Variants in DNM1L observed in about 807,000 individuals in gnomAD.
DNM1L encodes dynamin 1L.
In DNM1L, 33 loss-of-function variants were observed where a neutral mutation model predicts 92.8. The ratio of observed to expected loss-of-function variants is 0.36; its 90% CI spans 0.27 to 0.48. The LOEUF is 0.48. Ranked by LOEUF, DNM1L falls within the 20% of genes least tolerant of loss-of-function variation. The pLI is 0.99. For synonymous variants in DNM1L, 284 were observed against 305.0 expected (o/e 0.93, Z 0.72); for missense variants, 485 against 888.8 (o/e 0.55, Z 5.78).
At position 32,729,229 on chromosome 12, in the gene DNM1L, G is replaced by A. The variant is rs139133824; in HGVS notation, c.1080-1785G>A. Among the ~76,000 whole-genome samples the A allele has an allele frequency of 3.3e-3, 501 of 151,970 alleles. 4 individuals carry two copies. The highest frequency in any genetic ancestry group is 0.011 in the African/African-American group (461 of 41,452). ...CCCGAGTAGCTGGGATTACAGGCGC[G>A]CACTACTATGCCCGGCTAATTTTTT... On this transcript the variant is annotated intron_variant, in intron 9 of 19. Transcript: ENST00000549701.
intron 18 of DNM1L, among the ~76,000 whole-genome samples, chr12:32,741,967 T>C (rs1290573767): frequency 6.6e-6 from 1 of 152,216 alleles, no homozygotes; most frequent in African/African-American, 2.4e-5. Flanking sequence ...TAATACTAGA[T>C]TATGTAGATA....
chr12:32,706,934 C>T, intron 2 of DNM1L: 1 of 221,838 alleles, frequency 4.5e-6, no homozygotes, highest in South Asian at 6.2e-5. Flanking sequence ...TTTTGCACTA[C>T]TCAGTGGGAT....
At chr12:32,736,089 T>A (rs1217577632) in intron 13 of DNM1L, among the ~76,000 whole-genome samples, 38 of 138,342 alleles carry the variant, frequency 2.7e-4, no homozygotes, top group Non-Finnish European at 4.6e-4. Flanking sequence ...TTTTTTTTTT[T>A]AAGACAGAGT....
Position 32,727,340 on chromosome 12 carries a change from T to A in DNM1L, c.1080-3674T>A, listed in dbSNP as rs375466554. On this transcript the variant is annotated intron_variant, in intron 9 of 19. Transcript: ENST00000549701. ...TGAGAGCATTCACTCCTCTTTTAAC[T>A]ACCCTAGCTAGGCAGGTTGTCAATG... 152 of 798,758 alleles carry A rather than the reference T, an allele frequency of 1.9e-4. 1 individual carries two copies. The highest frequency in any genetic ancestry group is 1.7e-3 in the East Asian group (71 of 41,292). The allele number at this position is 798,758 out of a possible 1,614,324, so 49.5% of individuals were successfully genotyped here.
chr12:32,708,176 T>G lies in DNM1L; in HGVS notation c.321T>G (p.Ile107Met). The change falls in exon 4 of 20, where the codon ATT becomes ATG. Residue 107 changes from isoleucine (I) to methionine (M), a missense_variant. Around this residue, in one of 11 missense-constraint regions of DNM1L, gnomAD observed 159 missense variants for 275.9 expected, o/e 0.58. Transcript: ENST00000549701. Reference sequence around the variant, plus strand: ...AGCTTTACACGGATTTTGATGAAATTCGACAAGAAATTGAAAATGAAACAG... The same window carrying G: ...AGCTTTACACGGATTTTGATGAAATGCGACAAGAAATTGAAAATGAAACAG... ...KNKLYTDFDEIRQEIENETER... is the reference protein window; with the variant it reads ...KNKLYTDFDEMRQEIENETER... 1 of 1,605,838 alleles carries G rather than the reference T, an allele frequency of 6.2e-7. No homozygotes were observed. The highest frequency in any genetic ancestry group is 8.5e-7 in the Non-Finnish European group (1 of 1,173,286).
chr12:32,731,735 G>A lies in DNM1L; in HGVS notation c.1357-119G>A, dbSNP rs1420271667. ...AAAATGACTGTTAGCCTGGCATGGTGGCTTCTACATGTAGTCTCAGCTACT... is the reference window on the plus strand; with the variant it reads ...AAAATGACTGTTAGCCTGGCATGGTAGCTTCTACATGTAGTCTCAGCTACT... On this transcript the variant is annotated intron_variant, in intron 11 of 19. Coordinates refer to ENST00000549701, the MANE Select transcript of DNM1L (RefSeq NM_012062.5). The surrounding 1 kb of genome is among the most constrained non-coding windows in gnomAD (Gnocchi z 5.1). The A allele has an allele frequency of 2.0e-6, 2 of 989,576 alleles. No homozygotes were observed. The highest frequency in any genetic ancestry group is 1.6e-5 in the African/African-American group (1 of 61,630). 61.3% of individuals were successfully genotyped at this position (989,576 alleles called of 1,614,324 possible).
chr12:32,708,121 A>G (rs771765062), intron 3 of DNM1L, 32 bp from the exon 4 acceptor site: 4 of 1,332,320 alleles, frequency 3.0e-6, no homozygotes, highest in African/African-American at 2.9e-5. Context: ...CTTATTTTGA[A>G]TATTATGCTT....
In DNM1L at chr12:32,737,025, T is replaced by C. The variant is rs1954931705; in HGVS notation, c.1540-80T>C. ...TGTATCTGTAAGTTACTCCACACTTTTCAATTAACATGAACATTTTTTAGT... is the reference window on the plus strand; with the variant it reads ...TGTATCTGTAAGTTACTCCACACTTCTCAATTAACATGAACATTTTTTAGT... On this transcript the variant is annotated intron_variant, in intron 13 of 19. Coordinates refer to ENST00000549701, the MANE Select transcript of DNM1L (RefSeq NM_012062.5). 2.7e-6 allele frequency: 4 copies of C among 1,469,342 alleles called. No homozygotes were observed. The South Asian group carries it at 3.5e-5, about 13-fold the overall frequency. The allele number at this position is 1,469,342 out of a possible 1,614,324, so 91.0% of individuals were successfully genotyped here.
At chr12:32,715,638 A>G (rs1953329261) in intron 6 of DNM1L, among the ~76,000 whole-genome samples, 1 of 152,168 alleles carries the variant, frequency 6.6e-6, no homozygotes, top group African/African-American at 2.4e-5. Context: ...AGGCTGAGAC[A>G]TGAGAATCAC....
rs747625663 is a variant in DNM1L, at chr12:32,731,851, T to C, written c.1357-3T>C. 3 of 1,610,592 alleles carry C rather than the reference T, an allele frequency of 1.9e-6. No individual in the cohort carries two copies. The highest frequency in any genetic ancestry group is 2.2e-5 in the East Asian group (1 of 44,846). The stretch of plus-strand genomic sequence containing the variant: ...ACGTTTTTCTTTCATCTACCATTTG[T>C]AGGAATTGTTACGATTTCCTAAACT... On this transcript the variant is annotated splice_region_variant and splice_polypyrimidine_tract_variant and intron_variant, in intron 11 of 19. Coordinates refer to ENST00000549701, the MANE Select transcript of DNM1L (RefSeq NM_012062.5). The surrounding 1 kb of genome is among the most constrained non-coding windows in gnomAD (Gnocchi z 5.1).
chr12:32,737,479 A>G (rs1954972669), intron 14 of DNM1L: 2 of 388,008 alleles, frequency 5.2e-6, no homozygotes, highest in East Asian at 5.4e-5. Flanking sequence ...AGATTTTATT[A>G]TAATAAGAGG....
chr12:32,697,684 G>A (rs1952523974), intron 1 of DNM1L, among the ~76,000 whole-genome samples: 1 of 152,012 alleles, frequency 6.6e-6, no homozygotes, highest in Non-Finnish European at 1.5e-5. Context: ...AGGGTTGCAA[G>A]TGTTGGTAGC....
At chr12:32,711,385 C>T (rs377378200) in intron 5 of DNM1L, 58 of 217,484 alleles carry the variant, frequency 2.7e-4, no homozygotes, top group African/African-American at 9.0e-4. Context: ...TGTATATTGA[C>T]GGCATTCAAA....
intron 14 of DNM1L, 130 bp downstream of exon 14, chr12:32,737,291 T>C: frequency 1.1e-6 from 1 of 875,152 alleles, no homozygotes; most frequent in Non-Finnish European, 1.8e-6. Flanking sequence ...ACTAACTGAG[T>C]AAAGGCATAC....
chr12:32,712,748 T>C (rs1451829040), intron 5 of DNM1L, among the ~76,000 whole-genome samples: 1 of 148,392 alleles, frequency 6.7e-6, no homozygotes, highest in Non-Finnish European at 1.5e-5. Flanking sequence ...CTTACCACCA[T>C]CTGTATACTA....
rs1049963068 is a variant in DNM1L at position 32,731,606 on chromosome 12, C to T, written c.1356+95C>T. 8.0e-6 allele frequency: 12 copies of T among 1,499,450 alleles called. No individual in the cohort carries two copies. Among genetic ancestry groups the T allele is most frequent in the Non-Finnish European group, 1.1e-5 (12 of 1,093,208 alleles). 92.9% of individuals were successfully genotyped at this position (1,499,450 alleles called of 1,614,324 possible). On this transcript the variant is annotated intron_variant, in intron 11 of 19. Coordinates refer to ENST00000549701, the MANE Select transcript of DNM1L (RefSeq NM_012062.5). This position sits in a 1 kb window ranked among gnomAD's most constrained non-coding sequence, Gnocchi z 5.1. ...GGAAGGAAATGTATAAGATGGGATA[C>T]AAGGTAAAATCTGTAGTTCCCTTAC...
At chr12:32,711,322 A>T (rs1249199912) in intron 5 of DNM1L, 1 of 317,888 alleles carries the variant, frequency 3.1e-6, no homozygotes, top group African/African-American at 2.1e-5. Flanking sequence ...CTCTAGGTAC[A>T]CTTTCCCTTT....
intron 2 of DNM1L, chr12:32,705,981 T>G: frequency 1.1e-6 from 1 of 914,214 alleles, no homozygotes; most frequent in Non-Finnish European, 1.6e-6. Flanking sequence ...CCCATCCACA[T>G]TGATTGCAGG....
intron 2 of DNM1L, among the ~76,000 whole-genome samples, chr12:32,703,491 A>T (rs115354343): frequency 0.012 from 1,820 of 152,192 alleles, 35 homozygotes; most frequent in African/African-American, 0.042. Flanking sequence ...CATATCATAA[A>T]TCATTCTAAC....
Sources: gnomAD v4.1 joint callset for allele counts (sites outside exome capture counted in the v4.1 genomes callset) on GRCh38, gnomAD v4.1.1 for gene constraint, gnomAD v4.1.1 regional missense constraint, Gnocchi (gnomAD v3.1) non-coding constraint, MANE v1.5 for transcripts, NCBI Gene and HGNC (gene_info 2026-07-23, HGNC 2026-07-21) for gene names.